SNTG2: variants seen among roughly 807,000 people sequenced by gnomAD.
SNTG2 encodes the protein gamma-2-syntrophin.
Under a neutral mutation model 70.9 loss-of-function variants are expected in SNTG2, and 74 were observed. That is an observed-to-expected ratio of 1.04 (90% CI 0.86 to 1.27). SNTG2 has a LOEUF of 1.27. SNTG2 is among the 50% of genes most tolerant of loss of function. The pLI, the probability that SNTG2 is intolerant of heterozygous loss-of-function variation, is 0.00. For missense variants in SNTG2, 717 were observed against 690.7 expected, an observed-to-expected ratio of 1.04 and a Z score of -0.43; for synonymous variants, 278 against 273.8, an observed-to-expected ratio of 1.02 and a Z score of -0.15.
At chr2:1,060,158 A>G (rs1662718595) in intron 1 of SNTG2, among the ~76,000 whole-genome samples, 1 of 152,228 alleles carries the variant, frequency 6.6e-6, no homozygotes, top group African/African-American at 2.4e-5. Context: ...GACTTTAGGG[A>G]TAAATGAAAG....
At chr2:1,324,099 GACCC>G (rs1558208701) in intron 16 of SNTG2, among the ~76,000 whole-genome samples, 12 of 151,096 alleles carry the variant, frequency 7.9e-5, no homozygotes, top group African/African-American at 2.9e-4. Flanking sequence ...ACATGCCTGA[GACCC>G]CCCAGTAGTC....
intron 1 of SNTG2, among the ~76,000 whole-genome samples, chr2:1,003,064 A>AC: frequency 6.6e-6 from 1 of 152,196 alleles, no homozygotes; most frequent in Non-Finnish European, 1.5e-5. Flanking sequence ...TGTACACACA[A>AC]CCATAGTAGA....
At chr2:1,261,007 TAGTC>T (rs1196909022) in intron 13 of SNTG2, among the ~76,000 whole-genome samples, 1 of 152,194 alleles carries the variant, frequency 6.6e-6, no homozygotes, top group African/African-American at 2.4e-5. Context: ...AAAAAAATTT[TAGTC>T]AGTAAATATT....
intron 1 of SNTG2, among the ~76,000 whole-genome samples, chr2:1,015,863 G>C (rs1659876622): frequency 6.6e-6 from 1 of 152,184 alleles, no homozygotes; most frequent in African/African-American, 2.4e-5. Context: ...AGCATCATCT[G>C]TATCTGCTGC....
intron 4 of SNTG2, among the ~76,000 whole-genome samples, chr2:1,124,318 A>ATTTTTTTTTT (rs367598410): frequency 6.7e-6 from 1 of 148,390 alleles, no homozygotes. Context: ...TTTCTCAGAC[A>ATTTTTTTTTT]GAGGCTTGCT....
chr2:1,047,196 C>G (rs569671599), intron 1 of SNTG2, among the ~76,000 whole-genome samples: 38 of 152,272 alleles, frequency 2.5e-4, no homozygotes, highest in African/African-American at 9.1e-4. Flanking sequence ...TCAGCTCTAT[C>G]AGATCAGTTT....
chr2:1,094,153 G>A (rs573316352), intron 2 of SNTG2, among the ~76,000 whole-genome samples: 10 of 130,246 alleles, frequency 7.7e-5, no homozygotes, highest in Non-Finnish European at 1.3e-4. Context: ...GTCCTCATAT[G>A]GTAGAGTTAC....
chr2:1,155,342 CCA>C lies in SNTG2; in HGVS notation c.412-10198_412-10197del, dbSNP rs539571576. Among the ~76,000 whole-genome samples the C allele has an allele frequency of 5.6e-3, 850 of 151,416 alleles. 5 individuals are homozygous for C. The highest frequency in any genetic ancestry group is 0.019 in the African/African-American group (803 of 41,200). On this transcript the variant is annotated intron_variant, in intron 6 of 16. Transcript: ENST00000308624. ...CCACATGCATATACACATATGCACA[CCA>C]CACACACCACACACACATGTCCCTC...
In SNTG2 at chr2:1,317,832, A is replaced by G. The variant is rs1283937376; in HGVS notation, c.1488+1457A>G. 2.0e-5 allele frequency among the ~76,000 whole-genome samples: 3 copies of G among 152,180 alleles called. 1 individual carries two copies. The highest frequency in any genetic ancestry group is 4.8e-5 in the African/African-American group (2 of 41,458). ...TTCATTTTTGGGATGCTCAATCTGT[A>G]TAGGATGTTTCCTGTTAGAGAGACG... On this transcript the variant is annotated intron_variant, in intron 16 of 16. Coordinates refer to ENST00000308624, the MANE Select transcript of SNTG2 (RefSeq NM_018968.4).
At chr2:1,046,296 G>T (rs935248434) in intron 1 of SNTG2, among the ~76,000 whole-genome samples, 2 of 152,036 alleles carry the variant, frequency 1.3e-5, no homozygotes, top group African/African-American at 4.8e-5. Context: ...CATTTGTTTA[G>T]GTGTTGCTTT....
Position 1,096,734 on chromosome 2 carries a change from T to C in SNTG2, c.211-1462T>C, listed in dbSNP as rs200085609. Among the ~76,000 whole-genome samples, 12 of 152,348 alleles carry C rather than the reference T, an allele frequency of 7.9e-5. No individual in the cohort carries two copies. The East Asian group carries it at 1.9e-3, about 24-fold the overall frequency. Reference sequence around the variant, plus strand: ...ATTCTCGCATCTACTGGTGGACACTTGGGTTGTATCCATATCTTGGCTGTT... The same window carrying C: ...ATTCTCGCATCTACTGGTGGACACTCGGGTTGTATCCATATCTTGGCTGTT... On this transcript the variant is annotated intron_variant, in intron 2 of 16. Coordinates refer to ENST00000308624, the MANE Select transcript of SNTG2 (RefSeq NM_018968.4).
At chr2:968,375 AAAAT>A (rs1240334877) in intron 1 of SNTG2, among the ~76,000 whole-genome samples, 2 of 152,140 alleles carry the variant, frequency 1.3e-5, no homozygotes, top group African/African-American at 4.8e-5. Context: ...CTGTTTTTTA[AAAAT>A]AAATCAGTCT....
At chr2:1,084,984 G>A (rs4971375) in intron 2 of SNTG2, among the ~76,000 whole-genome samples, 118,395 of 152,138 alleles carry the variant, frequency 0.78, 46,412 homozygotes, top group Admixed American at 0.88. Flanking sequence ...TGAGCTTTGG[G>A]GGAGACACAG....
chr2:1,088,213 A>T (rs1664800049), intron 2 of SNTG2, among the ~76,000 whole-genome samples: 1 of 152,224 alleles, frequency 6.6e-6, no homozygotes, highest in African/African-American at 2.4e-5. Flanking sequence ...CTTTATCAGC[A>T]TTATGTATTT....
chr2:1,080,642 G>A (rs1187731985), intron 1 of SNTG2, among the ~76,000 whole-genome samples: 8 of 150,824 alleles, frequency 5.3e-5, no homozygotes, highest in South Asian at 4.2e-4. Context: ...CTGTGTGCCC[G>A]TGTTTGTGTC....
intron 16 of SNTG2, chr2:1,346,304 G>C: frequency 6.6e-6 from 1 of 152,426 alleles, no homozygotes; most frequent in Non-Finnish European, 1.5e-5. Flanking sequence ...ACTCCTGAGA[G>C]CCCCCCGCAT....
At chr2:1,003,193 A>G (rs1659463074) in intron 1 of SNTG2, among the ~76,000 whole-genome samples, 2 of 152,180 alleles carry the variant, frequency 1.3e-5, no homozygotes, top group Admixed American at 6.5e-5. Context: ...GCACCACTAC[A>G]TGGTATATCC....
chr2:1,214,495 T>C (rs1449877294), intron 9 of SNTG2, among the ~76,000 whole-genome samples: 1 of 152,172 alleles, frequency 6.6e-6, no homozygotes, highest in Non-Finnish European at 1.5e-5. Flanking sequence ...TATTTTATAT[T>C]TTTATACTAC....
rs1409462861 is a variant in SNTG2 at position 956,624 on chromosome 2, G to GCTTATTC, written c.72+5557_72+5558insTTATTCC. ...CTGTGAATGGGCCCATCTCGGTCGG[G>GCTTATTC]CGTCTAGGAGGGAAGTGGCACCTGG... On this transcript the variant is annotated intron_variant, in intron 1 of 16. Coordinates refer to ENST00000308624, the MANE Select transcript of SNTG2 (RefSeq NM_018968.4). 9.0e-4 allele frequency among the ~76,000 whole-genome samples: 137 copies of GCTTATTC among 152,368 alleles called. 1 individual carries two copies. Among genetic ancestry groups the GCTTATTC allele is most frequent in the African/African-American group, 3.2e-3 (133 of 41,594 alleles).
Sources: allele counts gnomAD v4.1 joint callset (sites outside exome capture counted in the v4.1 genomes callset), GRCh38; gene constraint gnomAD v4.1.1; transcripts MANE v1.5; gene names NCBI Gene and HGNC (gene_info 2026-07-23, HGNC 2026-07-21).